DCC: variants seen among roughly 807,000 people sequenced by gnomAD.
The protein encoded by DCC is netrin receptor DCC.
Under a neutral mutation model 172.5 loss-of-function variants are expected in DCC, and 58 were observed. The ratio of observed to expected loss-of-function variants is 0.34; its 90% CI spans 0.27 to 0.42. DCC has a LOEUF of 0.42. Among genes scored for constraint, DCC ranks in the 10% least tolerant of loss-of-function variants. DCC has a pLI of 1.00. For missense variants in DCC, 1,740 were observed against 1,791.0 expected (o/e 0.97, Z 0.51); for synonymous variants, 709 against 644.5 (o/e 1.10, Z -1.52).
intron 7 of DCC, among the ~76,000 whole-genome samples, 187 bp downstream of exon 7, chr18:53,066,353 G>GTATATATATATATATATATATA (rs10526030): frequency 1.1e-5 from 1 of 94,608 alleles, no homozygotes; most frequent in Non-Finnish European, 2.2e-5. Context: ...GTACATGTGT[G>GTATATATATATATATATATATA]TATATATATA....
chr18:53,075,866 C>G (rs941949170), intron 7 of DCC, among the ~76,000 whole-genome samples: 7 of 152,128 alleles, frequency 4.6e-5, no homozygotes, highest in Non-Finnish European at 1.0e-4. Context: ...CAACTGGTCT[C>G]AAGGCTGCAA....
chr18:52,734,988 T>C (rs1049887452), intron 1 of DCC, among the ~76,000 whole-genome samples: 1 of 152,172 alleles, frequency 6.6e-6, no homozygotes, highest in South Asian at 2.1e-4. Flanking sequence ...CCTTGTTTCT[T>C]CATAGATTCC....
At chr18:52,580,991 T>C (rs1221887) in intron 1 of DCC, among the ~76,000 whole-genome samples, 151,517 of 152,310 alleles carry the variant, frequency 0.99, 75,373 homozygotes, top group Middle Eastern at 1. Flanking sequence ...TCTGAAGCTG[T>C]TATCAATTCA....
chr18:53,014,505 G>A lies in DCC; in HGVS notation c.986-48800G>A, dbSNP rs1327384988. Among the ~76,000 whole-genome samples, 3 of 128,726 alleles carry A rather than the reference G, an allele frequency of 2.3e-5. No homozygotes were observed. In the Admixed American group the frequency reaches 3.1e-4, roughly 13 times the overall value. The allele number at this position is 128,726 out of a possible 152,430, so 84.4% of individuals were successfully genotyped here. On this transcript the variant is annotated intron_variant, in intron 5 of 28. Coordinates refer to ENST00000442544, the MANE Select transcript of DCC (RefSeq NM_005215.4). ...CTTCCTGTGTCCATGTGTTCTCATTGTTCAATTCCCACCTATGAGTGAGAA... is the reference window on the plus strand; with the variant it reads ...CTTCCTGTGTCCATGTGTTCTCATTATTCAATTCCCACCTATGAGTGAGAA...
At chr18:53,007,911 C>T (rs1005902889) in intron 5 of DCC, among the ~76,000 whole-genome samples, 1 of 152,098 alleles carries the variant, frequency 6.6e-6, no homozygotes, top group African/African-American at 2.4e-5. Context: ...CATTCAAATG[C>T]TGGTGATTTG....
At position 52,943,538 on chromosome 18, in the gene DCC, GT is replaced by G. The variant is rs933661606; in HGVS notation, c.985+18175del. On this transcript the variant is annotated intron_variant, in intron 5 of 28. Transcript: ENST00000442544. ...TGTTTTGTAATCTCTATATCGCTGT[GT>G]TTTTTTAATTGATGCATGAAAGCAC... is the stretch of plus-strand genomic sequence containing the variant. 1.3e-5 allele frequency among the ~76,000 whole-genome samples: 2 copies of G among 152,022 alleles called. 1 individual carries two copies. The highest frequency in any genetic ancestry group is 4.1e-4 in the South Asian group (2 of 4,822).
At chr18:53,168,712 A>C (rs1009554123) in intron 8 of DCC, among the ~76,000 whole-genome samples, 1 of 152,152 alleles carries the variant, frequency 6.6e-6, no homozygotes, top group Non-Finnish European at 1.5e-5. Flanking sequence ...CAGAACTTAA[A>C]GTGTAATAAA....
At chr18:53,478,932 C>T (rs557315474) in intron 25 of DCC, among the ~76,000 whole-genome samples, 1 of 152,212 alleles carries the variant, frequency 6.6e-6, no homozygotes, top group East Asian at 1.9e-4. Context: ...ATCCCTTTGA[C>T]TCATGCATAT....
intron 1 of DCC, among the ~76,000 whole-genome samples, chr18:52,555,780 C>T (rs8092948): frequency 4.0e-5 from 6 of 151,840 alleles, no homozygotes; most frequent in African/African-American, 1.5e-4. Flanking sequence ...ATTCATTTAA[C>T]CTTAATGGAA....
chr18:53,039,817 G>A (rs1313632588), intron 5 of DCC, among the ~76,000 whole-genome samples: 1 of 151,888 alleles, frequency 6.6e-6, no homozygotes. Flanking sequence ...ATGTTTTAAT[G>A]TAGTTGTTCC....
chr18:52,991,705 C>CTT (rs2041394620), intron 5 of DCC, among the ~76,000 whole-genome samples: 1 of 152,178 alleles, frequency 6.6e-6, no homozygotes, highest in Non-Finnish European at 1.5e-5. Context: ...ATCTAAAGTG[C>CTT]ACTAGTTATT....
chr18:52,523,762 T>G (rs564782508), intron 1 of DCC, among the ~76,000 whole-genome samples: 1 of 152,308 alleles, frequency 6.6e-6, no homozygotes, highest in Non-Finnish European at 1.5e-5. Context: ...GGTGACAGGT[T>G]TTTGGCATGG....
intron 7 of DCC, among the ~76,000 whole-genome samples, chr18:53,106,816 T>G (rs942050729): frequency 6.6e-6 from 1 of 151,892 alleles, no homozygotes; most frequent in Non-Finnish European, 1.5e-5. Flanking sequence ...AATACTTGTT[T>G]CAATATAAGG....
chr18:53,486,896 T>C lies in DCC; in HGVS notation c.3836T>C (p.Leu1279Pro). Residue 1279 changes from leucine to proline, a missense_variant, in exon 26 of 29, where the codon CTC becomes CCC. This residue lies in a region of DCC where 1,732 missense variants were observed against 1,767.4 expected (regional missense o/e 0.98). Coordinates refer to ENST00000442544, the MANE Select transcript of DCC (RefSeq NM_005215.4). ...GGATATCCCCACCCGCAGTTCACTC[T>C]CCGGCCTGTGCCATTCCCAACACTC... is the stretch of plus-strand genomic sequence containing the variant. Reference protein sequence around the residue: ...TCGYPHPQFTLRPVPFPTLSV... With the variant: ...TCGYPHPQFTPRPVPFPTLSV... 1 of 1,614,194 alleles carries C rather than the reference T, an allele frequency of 6.2e-7. No individual in the cohort carries two copies. The highest frequency in any genetic ancestry group is 1.1e-5 in the South Asian group (1 of 91,084).
intron 5 of DCC, among the ~76,000 whole-genome samples, chr18:53,008,223 T>A (rs947966436): frequency 6.6e-6 from 1 of 152,136 alleles, no homozygotes; most frequent in Non-Finnish European, 1.5e-5. Context: ...CAGACTTAGA[T>A]CACACTTTCA....
At chr18:52,805,403 G>A (rs2038067145) in intron 2 of DCC, among the ~76,000 whole-genome samples, 2 of 152,080 alleles carry the variant, frequency 1.3e-5, no homozygotes, top group South Asian at 2.1e-4. Flanking sequence ...AAAAGGAGAA[G>A]GTTAGATGGT....
Position 53,459,254 on chromosome 18 carries a change from G to A in DCC, c.3415G>A (p.Gly1139Ser), listed in dbSNP as rs1370943865. The part of the protein sequence containing the change: ...QRKKRATHSA[G>S]KRKGSQKDLR... ...TAGGAAACGGGCCACCCACAGTGCT[G>A]GCAAAAGGAAGGGCAGCCAGAAGGA... Residue 1139 changes from glycine to serine, a missense_variant, in exon 24 of 29, where the codon GGC becomes AGC. Gly to Ser is a moderately conservative substitution (Grantham distance 56). This residue lies in a region of DCC where 1,732 missense variants were observed against 1,767.4 expected (regional missense o/e 0.98). Coordinates refer to ENST00000442544, the MANE Select transcript of DCC (RefSeq NM_005215.4). 6.2e-7 allele frequency: 1 copy of A among 1,614,080 alleles called. No homozygotes were observed. Among genetic ancestry groups the A allele is most frequent in the Non-Finnish European group, 8.5e-7 (1 of 1,180,000 alleles).
chr18:52,797,719 C>G (rs1205689189), intron 2 of DCC, among the ~76,000 whole-genome samples: 1 of 152,200 alleles, frequency 6.6e-6, no homozygotes, highest in Admixed American at 6.5e-5. Flanking sequence ...TGAACTTATA[C>G]TCTGCCCTGT....
At position 52,846,608 on chromosome 18, in the gene DCC, A is replaced by AACACACACACACACAC. The variant is rs71175524; in HGVS notation, c.413-59407_413-59392dup. Among the ~76,000 whole-genome samples the AACACACACACACACAC allele has an allele frequency of 6.7e-4, 88 of 130,590 alleles. 1 individual carries two copies. The highest frequency in any genetic ancestry group is 2.0e-3 in the Admixed American group (26 of 12,752). 85.7% of individuals were successfully genotyped at this position (130,590 alleles called of 152,430 possible). A position where few individuals can be genotyped will look rare whatever the true frequency, so the allele number is the denominator to read the frequency against. ...TCTATCTCCCCCTTCTGCCACTCCA[A>AACACACACACACACAC]ACACACACACACACACACACACACA... On this transcript the variant is annotated intron_variant, in intron 2 of 28. Coordinates refer to ENST00000442544, the MANE Select transcript of DCC (RefSeq NM_005215.4).
Sources: gnomAD v4.1 joint callset for allele counts (sites outside exome capture counted in the v4.1 genomes callset) on GRCh38, gnomAD v4.1.1 for gene constraint, gnomAD v4.1.1 regional missense constraint, MANE v1.5 for transcripts, NCBI Gene and HGNC (gene_info 2026-07-23, HGNC 2026-07-21) for gene names.